The following GRM3 variants were observed in gnomAD, a reference collection of about 807,000 sequenced individuals.
GRM3 encodes the protein metabotropic glutamate receptor 3.
Under a neutral mutation model 70.5 loss-of-function variants are expected in GRM3, and 26 were observed. The ratio of observed to expected loss-of-function variants is 0.37; its 90% CI spans 0.27 to 0.51. The LOEUF (loss-of-function observed/expected upper bound fraction) is 0.51, where lower values mean the gene tolerates loss of function less well. Ranked by LOEUF, GRM3 falls within the 20% of genes least tolerant of loss-of-function variation. The probability of loss-of-function intolerance (pLI) is 0.93; values close to 1 mark genes in which losing one functional copy is unlikely to be tolerated. For synonymous variants in GRM3, 443 were observed against 434.9 expected, an observed-to-expected ratio of 1.02 and a Z score of -0.23; for missense variants, 859 against 1,123.8, an observed-to-expected ratio of 0.76 and a Z score of 3.37.
At chr7:86,720,687 A>C (rs534498677) in intron 1 of GRM3, among the ~76,000 whole-genome samples, 3 of 152,100 alleles carry the variant, frequency 2.0e-5, no homozygotes, top group Admixed American at 1.3e-4. Context: ...AGAGCAAAGC[A>C]TCAAGGTAAA....
intron 2 of GRM3, among the ~76,000 whole-genome samples, chr7:86,779,224 C>T (rs1796976739): frequency 6.6e-6 from 1 of 152,118 alleles, no homozygotes; most frequent in African/African-American, 2.4e-5. Flanking sequence ...AATAAGGGAG[C>T]AAGTGGTGTG....
rs553074310 is a variant in GRM3 at position 86,792,610 on chromosome 7, A to G, written c.1324+5494A>G. On this transcript the variant is annotated intron_variant, in intron 3 of 5. Transcript: ENST00000361669. ...TAAATGCCAAGGTCCTGATTTAGTCATTCATTCCACAGATACGTTTAGATG... is the reference window on the plus strand; with the variant it reads ...TAAATGCCAAGGTCCTGATTTAGTCGTTCATTCCACAGATACGTTTAGATG... Among the ~76,000 whole-genome samples, 4 of 152,340 alleles carry G rather than the reference A, an allele frequency of 2.6e-5. No homozygotes were observed. In the South Asian group the frequency reaches 8.3e-4, roughly 32 times the overall value.
At chr7:86,685,377 A>G (rs539829073) in intron 1 of GRM3, among the ~76,000 whole-genome samples, 8 of 152,348 alleles carry the variant, frequency 5.3e-5, no homozygotes, top group African/African-American at 1.9e-4. Context: ...GTCTATGTAG[A>G]CAAGGCATCA....
Position 86,839,626 on chromosome 7 carries a change from TG to T in GRM3, c.2113del (p.Val705CysfsTer24). 1 of 1,614,010 alleles carries T rather than the reference TG, an allele frequency of 6.2e-7. No homozygotes were observed. The highest frequency in any genetic ancestry group is 2.2e-5 in the East Asian group (1 of 44,852). ...TCCTGGTGCAAATTGTGATGGTGTC[TG>T]TGTGGCTCATCCTGGAGGCCCCAGG... ...LILVQIVMVS[V>X]WLILEAPGTR... On this transcript the variant is annotated frameshift_variant, in exon 4 of 6. Transcript: ENST00000361669. LOFTEE classifies it high-confidence loss of function. The surrounding 1 kb of genome is among the most constrained non-coding windows in gnomAD (Gnocchi z 4.5).
intron 1 of GRM3, among the ~76,000 whole-genome samples, chr7:86,747,484 T>A (rs960189720): frequency 1.3e-5 from 2 of 152,090 alleles, no homozygotes; most frequent in African/African-American, 4.8e-5. Context: ...TATACATAAA[T>A]CAAAGCCTTT....
intron 2 of GRM3, among the ~76,000 whole-genome samples, chr7:86,777,591 A>G (rs1246901212): frequency 6.6e-6 from 1 of 152,234 alleles, no homozygotes; most frequent in African/African-American, 2.4e-5. Context: ...TTCTAAAATC[A>G]ACATTAATTC....
At position 86,765,405 on chromosome 7, in the gene GRM3, C is replaced by G. The variant is rs1796575710; in HGVS notation, c.260C>G (p.Pro87Arg). Residue 87 changes from proline to arginine, a missense_variant, in exon 2 of 6, where the codon CCA becomes CGA. Physicochemically the swap from Pro to Arg is moderately radical, Grantham distance 103 (BLOSUM62 -2). Coordinates refer to ENST00000361669, the MANE Select transcript of GRM3 (RefSeq NM_000840.3). ...ATCAACAAAGATGATTACTTGCTAC[C>G]AGGAGTGAAGTTGGGTGTTCACATT... Reference protein sequence around the residue: ...DEINKDDYLLPGVKLGVHILD... With the variant: ...DEINKDDYLLRGVKLGVHILD... The G allele has an allele frequency of 6.2e-7, 1 of 1,613,850 alleles. No individual in the cohort carries two copies. Among genetic ancestry groups the G allele is most frequent in the Non-Finnish European group, 8.5e-7 (1 of 1,179,862 alleles).
chr7:86,759,051 A>T (rs1464063582), intron 1 of GRM3, among the ~76,000 whole-genome samples: 1 of 152,120 alleles, frequency 6.6e-6, no homozygotes, highest in Non-Finnish European at 1.5e-5. Flanking sequence ...AAACAGCCTT[A>T]AACTCAGAAA....
intron 1 of GRM3, among the ~76,000 whole-genome samples, chr7:86,710,831 A>G (rs1795181787): frequency 6.6e-6 from 1 of 152,116 alleles, no homozygotes; most frequent in Non-Finnish European, 1.5e-5. Context: ...TCAGTCAAAT[A>G]TAACAATAAA....
At chr7:86,700,105 T>C (rs1012956161) in intron 1 of GRM3, among the ~76,000 whole-genome samples, 1 of 151,814 alleles carries the variant, frequency 6.6e-6, no homozygotes, top group Non-Finnish European at 1.5e-5. Context: ...GTCAGTGAGA[T>C]TGCCATTAAC....
chr7:86,838,905 G>A lies in GRM3; in HGVS notation c.1391G>A (p.Gly464Glu). ...TTTGACACTTTTGGAGATGGAATGG[G>A]GCGATACAACGTGTTCAATTTCCAA... ...VKFDTFGDGM[G>E]RYNVFNFQNV... The change falls in exon 4 of 6, where the codon GGG becomes GAG. Residue 464 changes from glycine (G) to glutamate (E), a missense_variant. Coordinates refer to ENST00000361669, the MANE Select transcript of GRM3 (RefSeq NM_000840.3). 1 of 1,613,584 alleles carries A rather than the reference G, an allele frequency of 6.2e-7. No homozygotes were observed. The highest frequency in any genetic ancestry group is 8.5e-7 in the Non-Finnish European group (1 of 1,179,676).
chr7:86,763,866 G>C (rs555710515), intron 1 of GRM3, among the ~76,000 whole-genome samples: 2 of 152,086 alleles, frequency 1.3e-5, no homozygotes, highest in South Asian at 2.1e-4. Flanking sequence ...CAGTGCTTTG[G>C]GGGGTGGTAG....
At chr7:86,853,447 A>T (rs962247175) in intron 5 of GRM3, among the ~76,000 whole-genome samples, 1 of 152,210 alleles carries the variant, frequency 6.6e-6, no homozygotes, top group Non-Finnish European at 1.5e-5. Flanking sequence ...AGCTCAATTT[A>T]TATCCATTTC....
At chr7:86,807,751 T>A (rs1481617589) in intron 3 of GRM3, among the ~76,000 whole-genome samples, 2 of 152,204 alleles carry the variant, frequency 1.3e-5, no homozygotes, top group Non-Finnish European at 2.9e-5. Context: ...TTCTCTCGCC[T>A]GATTGCCCTG....
intron 1 of GRM3, among the ~76,000 whole-genome samples, chr7:86,678,718 G>T (rs1794368420): frequency 6.6e-6 from 1 of 152,028 alleles, no homozygotes; most frequent in African/African-American, 2.4e-5. Context: ...ATCGAGATGT[G>T]TTAATGAAAC....
intron 1 of GRM3, among the ~76,000 whole-genome samples, chr7:86,744,018 G>A (rs1796047633): frequency 6.6e-6 from 1 of 152,058 alleles, no homozygotes; most frequent in Admixed American, 6.6e-5. Flanking sequence ...TCATCTTACA[G>A]ATAAGAAAAC....
chr7:86,674,262 T>G (rs1025589769), intron 1 of GRM3, among the ~76,000 whole-genome samples: 3 of 143,192 alleles, frequency 2.1e-5, no homozygotes, highest in African/African-American at 7.4e-5. Context: ...ATATGACTAT[T>G]GTTAGAAGTC....
rs550521535 is a variant in GRM3 at position 86,772,996 on chromosome 7, C to T, written c.468+7383C>T. Among the ~76,000 whole-genome samples, 15 of 151,574 alleles carry T rather than the reference C, an allele frequency of 9.9e-5. No homozygotes were observed. In the South Asian group the frequency reaches 2.1e-3, roughly 21 times the overall value. On this transcript the variant is annotated intron_variant, in intron 2 of 5. Coordinates refer to ENST00000361669, the MANE Select transcript of GRM3 (RefSeq NM_000840.3). ...TGTCTAAAACTGAGTTTTTTTTTTA[C>T]GATTTCAACGTTTATTTTTGATTCA...
intron 1 of GRM3, among the ~76,000 whole-genome samples, chr7:86,701,115 T>A (rs918663569): frequency 4.0e-5 from 6 of 151,884 alleles, no homozygotes; most frequent in South Asian, 4.1e-4. Flanking sequence ...TACTTTTTTT[T>A]AATAACAATA....
Sources: allele counts gnomAD v4.1 joint callset (sites outside exome capture counted in the v4.1 genomes callset), GRCh38; gene constraint gnomAD v4.1.1; non-coding constraint Gnocchi (gnomAD v3.1); transcripts MANE v1.5; gene names NCBI Gene and HGNC (gene_info 2026-07-23, HGNC 2026-07-21).